Variants in THOC5 observed in about 807,000 individuals in gnomAD.
The protein encoded by THOC5 is THO complex subunit 5, also known as Fms-interacting protein.
Under a neutral mutation model 92.9 loss-of-function variants are expected in THOC5, and 43 were observed. That is an observed-to-expected ratio of 0.46 (90% CI 0.36 to 0.60). The LOEUF (loss-of-function observed/expected upper bound fraction) is 0.60, where lower values mean the gene tolerates loss of function less well. Ranked by LOEUF, THOC5 falls within the 20% of genes least tolerant of loss-of-function variation. The probability of loss-of-function intolerance (pLI) is 0.00; values close to 1 mark genes in which losing one functional copy is unlikely to be tolerated. For synonymous variants in THOC5, 296 were observed against 320.1 expected (o/e 0.92, Z 0.80); for missense variants, 659 against 849.4 (o/e 0.78, Z 2.79).
At position 29,521,879 on chromosome 22, in the gene THOC5, G is replaced by A. The variant is rs1436139473; in HGVS notation, c.1176-780C>T. On this transcript the variant is annotated intron_variant, in intron 12 of 19. Transcript: ENST00000490103. ...TTCATCTTTCCATGGATAACGTCAG[G>A]AGCAACTTGGGCAGCACGTGCCGGT... is the stretch of plus-strand genomic sequence containing the variant. 5.9e-5 allele frequency among the ~76,000 whole-genome samples: 9 copies of A among 152,194 alleles called. No individual in the cohort carries two copies. In the South Asian group the frequency reaches 6.2e-4, roughly 11 times the overall value.
chr22:29,521,135 G>T, intron 12 of THOC5, 36 bp from the exon 13 acceptor site: 1 of 1,483,056 alleles, frequency 6.7e-7, no homozygotes, highest in African/African-American at 1.4e-5. Flanking sequence ...TGAGAATGCA[G>T]CCAACATCTT....
At chr22:29,522,769 G>A (rs576455778) in intron 12 of THOC5, among the ~76,000 whole-genome samples, 77 of 152,192 alleles carry the variant, frequency 5.1e-4, no homozygotes, top group Admixed American at 2.0e-3. Flanking sequence ...TTGGGAGGCC[G>A]AGGCGGGCAG....
At position 29,507,790 on chromosome 22, in the gene THOC5, A is replaced by T. The variant is rs1569202537; in HGVS notation, c.*667T>A. On this transcript the variant is annotated 3_prime_UTR_variant, in exon 20 of 20. Transcript: ENST00000490103. ...TTAGCAGTAAGTAACTACTAATAGC[A>T]TACTACTGGTCAACAGCAGGCTATT... 1 of 152,682 alleles carries T rather than the reference A, an allele frequency of 6.5e-6. No individual in the cohort carries two copies. The highest frequency in any genetic ancestry group is 1.5e-5 in the Non-Finnish European group (1 of 68,434). 9.5% of individuals were successfully genotyped at this position (152,682 alleles called of 1,614,324 possible).
intron 7 of THOC5, chr22:29,535,239 T>G: frequency 8.4e-6 from 1 of 119,260 alleles, no homozygotes. Flanking sequence ...CTCCAGCCTG[T>G]GCGACAGAGC....
intron 13 of THOC5, among the ~76,000 whole-genome samples, chr22:29,520,480 G>T (rs974513071): frequency 4.0e-5 from 6 of 151,720 alleles, no homozygotes; most frequent in African/African-American, 1.5e-4. Context: ...CTTCCAGAGG[G>T]TTTTTTTTGT....
chr22:29,544,569 T>C lies in THOC5; in HGVS notation c.131A>G (p.Asp44Gly). 1 of 1,613,624 alleles carries C rather than the reference T, an allele frequency of 6.2e-7. No homozygotes were observed. Among genetic ancestry groups the C allele is most frequent in the Non-Finnish European group, 8.5e-7 (1 of 1,179,744 alleles). Residue 44 changes from aspartate (D) to glycine (G), a missense_variant, in exon 3 of 20, where the codon GAT becomes GGT. Coordinates refer to ENST00000490103, the MANE Select transcript of THOC5 (RefSeq NM_003678.5). ...ATAGTCTCTGCCAGGGTCCCGCAGATCCACCTCGGCCTCCTCACTGTAGTA... is the reference window on the plus strand; with the variant it reads ...ATAGTCTCTGCCAGGGTCCCGCAGACCCACCTCGGCCTCCTCACTGTAGTA... ...GKYYSEEAEV[D>G]LRDPGRDYEL...
At position 29,506,269 on chromosome 22, in the gene THOC5, G is replaced by C. The variant is rs529406744; in HGVS notation, c.*2188C>G. The C allele has an allele frequency of 6.6e-6, 1 of 152,248 alleles. No individual in the cohort carries two copies. The highest frequency in any genetic ancestry group is 2.4e-5 in the African/African-American group (1 of 41,552). The allele number at this position is 152,248 out of a possible 1,614,324, so 9.4% of individuals were successfully genotyped here. A position where few individuals can be genotyped will look rare whatever the true frequency, so the allele number is the denominator to read the frequency against. ...CCATCCTTTACTTTGACTTGCAGGA[G>C]TATTACAAAGGATGTAATTTTATGA... On this transcript the variant is annotated 3_prime_UTR_variant, in exon 20 of 20. Coordinates refer to ENST00000490103, the MANE Select transcript of THOC5 (RefSeq NM_003678.5).
chr22:29,535,644 A>G (rs1237885129), intron 7 of THOC5: 1 of 152,226 alleles, frequency 6.6e-6, no homozygotes, highest in Non-Finnish European at 1.5e-5. Flanking sequence ...GCTGTACCAT[A>G]CAAGAATTTA....
chr22:29,511,444 G>A, intron 18 of THOC5, 148 bp from the exon 19 acceptor site: 4 of 780,196 alleles, frequency 5.1e-6, no homozygotes, highest in South Asian at 1.9e-5. Context: ...AAGCTAGACT[G>A]GCTTGTCCTC....
intron 18 of THOC5, chr22:29,511,509 T>C: frequency 1.8e-6 from 1 of 547,146 alleles, no homozygotes; most frequent in Non-Finnish European, 3.2e-6. Context: ...TAGCTTTCCC[T>C]GCCTCATATG....
At position 29,511,217 on chromosome 22, in the gene THOC5, A is replaced by C; in HGVS notation, c.1877T>G (p.Leu626Arg). 6.2e-7 allele frequency: 1 copy of C among 1,614,248 alleles called. No individual in the cohort carries two copies. Among genetic ancestry groups the C allele is most frequent in the Non-Finnish European group, 8.5e-7 (1 of 1,180,046 alleles). ...ATCCAGCAGCACACACAGCCGCTGC[A>C]GCTGGTTGGTCAACAGCTGGTGGCT... ...WPSHQLLTNQ[L>R]QRLCVLLDVY... Residue 626 changes from leucine (L) to arginine (R), a missense_variant, in exon 19 of 20, where the codon CTG becomes CGG. Physicochemically the swap from Leu to Arg is moderately radical, Grantham distance 102 (BLOSUM62 -2). Transcript: ENST00000490103.
intron 8 of THOC5, 100 bp downstream of exon 8, chr22:29,531,731 G>A (rs927988364): frequency 6.6e-7 from 1 of 1,522,088 alleles, no homozygotes. Context: ...CTTCGGGCAG[G>A]ACTGAGAAAT....
At chr22:29,543,614 G>T in intron 3 of THOC5, 72 bp from the exon 4 acceptor site, 2 of 1,180,060 alleles carry the variant, frequency 1.7e-6, no homozygotes, top group Non-Finnish European at 1.2e-6. Flanking sequence ...CTTCACCACT[G>T]ACCCATCCTC....
At chr22:29,523,344 T>C (rs5763296) in intron 12 of THOC5, among the ~76,000 whole-genome samples, 68,889 of 152,008 alleles carry the variant, frequency 0.45, 16,100 homozygotes, top group East Asian at 0.75. Flanking sequence ...AGGCAACAGT[T>C]GTCAAGACAG....
At chr22:29,535,174 A>G (rs1182163103) in intron 7 of THOC5, 1 of 150,674 alleles carries the variant, frequency 6.6e-6, no homozygotes, top group Non-Finnish European at 1.5e-5. Flanking sequence ...AGAGCAGGAG[A>G]ATCACTTGAA....
At chr22:29,526,111 G>A (rs1201525728) in intron 11 of THOC5, among the ~76,000 whole-genome samples, 165 bp from the exon 12 acceptor site, 1 of 151,916 alleles carries the variant, frequency 6.6e-6, no homozygotes, top group Non-Finnish European at 1.5e-5. Context: ...CAAACCTCAG[G>A]ACCACGCAAA....
intron 1 of THOC5, among the ~76,000 whole-genome samples, chr22:29,550,488 C>A (rs1182024592): frequency 6.6e-6 from 1 of 152,130 alleles, no homozygotes; most frequent in East Asian, 1.9e-4. Flanking sequence ...AGCACTGTCC[C>A]CTTTACCCTA....
At chr22:29,549,303 A>G in intron 1 of THOC5, 145 bp from the exon 2 acceptor site, 1 of 665,072 alleles carries the variant, frequency 1.5e-6, no homozygotes. Flanking sequence ...GTAATACAAC[A>G]GGGAAGCATC....
intron 13 of THOC5, among the ~76,000 whole-genome samples, chr22:29,520,682 G>C (rs1003083325): frequency 6.6e-6 from 1 of 152,132 alleles, no homozygotes; most frequent in African/African-American, 2.4e-5. Context: ...TTCTTGTAGA[G>C]ACAGGGTTTT....
Sources: gnomAD v4.1 joint callset for allele counts (sites outside exome capture counted in the v4.1 genomes callset) on GRCh38, gnomAD v4.1.1 for gene constraint, MANE v1.5 for transcripts, NCBI Gene and HGNC (gene_info 2026-07-23, HGNC 2026-07-21) for gene names.